Variants in TRMT61B observed in about 807,000 individuals in gnomAD.
TRMT61B encodes tRNA (adenine(58)-N(1))-methyltransferase, mitochondrial.
Under a neutral mutation model 52.0 loss-of-function variants are expected in TRMT61B, and 56 were observed. That is an observed-to-expected ratio of 1.08 (90% CI 0.87 to 1.35). The LOEUF is 1.35. TRMT61B is among the 40% of genes most tolerant of loss of function. TRMT61B has a pLI of 0.00. For synonymous variants in TRMT61B, 206 were observed against 220.0 expected (o/e 0.94, Z 0.56); for missense variants, 650 against 577.9 (o/e 1.12, Z -1.28).
At position 28,870,235 on chromosome 2, in the gene TRMT61B, G is replaced by A. The variant is rs759247356; in HGVS notation, c.43C>T (p.Arg15Trp). ...AATGAATTGGTTCCGAGCCCCTGCC[G>A]CAGGCACAGCAAGACAGGACCGCGG... Reference protein sequence around the residue: ...WCRGPVLLCLRQGLGTNSFLH... With the variant: ...WCRGPVLLCLWQGLGTNSFLH... The change falls in exon 1 of 7, where the codon CGG becomes TGG. Residue 15 changes from arginine to tryptophan, a missense_variant. Arg to Trp is a moderately radical substitution (Grantham distance 101). Transcript: ENST00000306108. The A allele has an allele frequency of 1.9e-6, 3 of 1,608,632 alleles. No individual in the cohort carries two copies. Among genetic ancestry groups the A allele is most frequent in the Non-Finnish European group, 2.5e-6 (3 of 1,178,862 alleles).
intron 3 of TRMT61B, among the ~76,000 whole-genome samples, chr2:28,858,911 TGA>T (rs1335487351): frequency 6.6e-6 from 1 of 151,814 alleles, no homozygotes; most frequent in Non-Finnish European, 1.5e-5. Flanking sequence ...CTGTTTTTTT[TGA>T]GATAGAGTCT....
intron 1 of TRMT61B, among the ~76,000 whole-genome samples, chr2:28,865,528 A>G (rs1311203448): frequency 6.6e-6 from 1 of 152,176 alleles, no homozygotes; most frequent in East Asian, 1.9e-4. Flanking sequence ...ATAAGCAACT[A>G]GGGTGTGTCA....
intron 6 of TRMT61B, 33 bp from the exon 7 acceptor site, chr2:28,850,275 A>T: frequency 6.2e-7 from 1 of 1,603,984 alleles, no homozygotes; most frequent in Non-Finnish European, 8.5e-7. Flanking sequence ...TAAAGTCATT[A>T]TATTAATTAA....
rs764639756 is a variant in TRMT61B, at chr2:28,851,065, A to G, written c.1312+7T>C. 1.9e-6 allele frequency: 3 copies of G among 1,580,920 alleles called. No homozygotes were observed. The highest frequency in any genetic ancestry group is 2.2e-5 in the East Asian group (1 of 44,536). Reference sequence around the variant, plus strand: ...TACTGCATGCATAAAGTAAAACTGAAGCTCACCATGGTCATCCTCTTGAAA... The same window carrying G: ...TACTGCATGCATAAAGTAAAACTGAGGCTCACCATGGTCATCCTCTTGAAA... On this transcript the variant is annotated splice_region_variant and intron_variant, in intron 5 of 6. Coordinates refer to ENST00000306108, the MANE Select transcript of TRMT61B (RefSeq NM_017910.4).
intron 4 of TRMT61B, among the ~76,000 whole-genome samples, chr2:28,851,525 T>G (rs891523339): frequency 6.6e-6 from 1 of 152,206 alleles, no homozygotes; most frequent in South Asian, 2.1e-4. Context: ...TTTAAAACAT[T>G]TCTTCCAGAT....
In TRMT61B at chr2:28,864,554, AG is replaced by A. The variant is rs1448173219; in HGVS notation, c.802+462del. Among the ~76,000 whole-genome samples, 15 of 152,318 alleles carry A rather than the reference AG, an allele frequency of 9.8e-5. 1 individual carries two copies. The South Asian group carries it at 1.2e-3, about 13-fold the overall frequency. On this transcript the variant is annotated intron_variant, in intron 2 of 6. Transcript: ENST00000306108. ...AAGTTCGAAGGAGGCAAAACTAATCAGTGATGATAAAAGTCACAATAGTGGT... is the reference window on the plus strand; with the variant it reads ...AAGTTCGAAGGAGGCAAAACTAATCATGATGATAAAAGTCACAATAGTGGT...
chr2:28,849,969 C>A lies in TRMT61B; in HGVS notation c.*230G>T. The stretch of plus-strand genomic sequence containing the variant: ...TGGCCCAACTAAACCAATTTGGAAT[C>A]ATTAACTACAAAATGTCAAACTAAC... On this transcript the variant is annotated 3_prime_UTR_variant, in exon 7 of 7. Coordinates refer to ENST00000306108, the MANE Select transcript of TRMT61B (RefSeq NM_017910.4). 6.7e-7 allele frequency: 1 copy of A among 1,489,346 alleles called. No homozygotes were observed. The highest frequency in any genetic ancestry group is 9.2e-7 in the Non-Finnish European group (1 of 1,085,240). 92.3% of individuals were successfully genotyped at this position (1,489,346 alleles called of 1,614,324 possible).
chr2:28,869,540 C>T, intron 1 of TRMT61B, 39 bp downstream of exon 1: 1 of 1,449,892 alleles, frequency 6.9e-7, no homozygotes, highest in Non-Finnish European at 9.6e-7. Context: ...GTCTTTGCCC[C>T]TCCTGAAACC....
At position 28,870,184 on chromosome 2, in the gene TRMT61B, A is replaced by AGG. The variant is rs1670024923; in HGVS notation, c.92_93dup (p.Phe32ProfsTer42). 10 of 1,613,290 alleles carry AGG rather than the reference A, an allele frequency of 6.2e-6. No homozygotes were observed. The South Asian group carries it at 8.8e-5, about 14-fold the overall frequency. On this transcript the variant is annotated frameshift_variant, in exon 1 of 7. Coordinates refer to ENST00000306108, the MANE Select transcript of TRMT61B (RefSeq NM_017910.4). LOFTEE classifies it high-confidence loss of function. Reference sequence around the variant, plus strand: ...CAACACAGTGACCGAGCTCCCTCGAAGGGCTCCTGCCCCAGGCCGTGCAGG... The same window carrying AGG: ...CAACACAGTGACCGAGCTCCCTCGAAGGGGGCTCCTGCCCCAGGCCGTGCAGG...
chr2:28,853,817 CAG>C (rs1250876942), intron 3 of TRMT61B, among the ~76,000 whole-genome samples: 3 of 146,238 alleles, frequency 2.1e-5, no homozygotes, highest in Admixed American at 1.4e-4. Flanking sequence ...GCCTGGGTGA[CAG>C]AGTGAGATTC....
intron 3 of TRMT61B, among the ~76,000 whole-genome samples, chr2:28,857,891 C>T (rs550517709): frequency 1.1e-3 from 168 of 152,244 alleles, no homozygotes; most frequent in African/African-American, 3.8e-3. Context: ...TACATGTAGG[C>T]GGTCATTTCA....
rs1390486728 is a variant in TRMT61B at position 28,861,080 on chromosome 2, T to C, written c.993+38A>G. The C allele has an allele frequency of 5.9e-6, 9 of 1,517,202 alleles. No homozygotes were observed. In the South Asian group the frequency reaches 1.2e-4, roughly 20 times the overall value. The allele number at this position is 1,517,202 out of a possible 1,614,324, so 94.0% of individuals were successfully genotyped here. On this transcript the variant is annotated intron_variant, in intron 3 of 6. Coordinates refer to ENST00000306108, the MANE Select transcript of TRMT61B (RefSeq NM_017910.4). The stretch of plus-strand genomic sequence containing the variant: ...AGCCTGACCCCTATCTTCTTTATAG[T>C]CAAAGTAATAACACAGGACCCACGT...
At chr2:28,859,686 G>A (rs1390996322) in intron 3 of TRMT61B, among the ~76,000 whole-genome samples, 3 of 151,950 alleles carry the variant, frequency 2.0e-5, no homozygotes, top group African/African-American at 7.3e-5. Flanking sequence ...AAAAAAGAGT[G>A]TTCTTTTTAG....
chr2:28,858,455 G>C (rs1434957979), intron 3 of TRMT61B, among the ~76,000 whole-genome samples: 1 of 151,936 alleles, frequency 6.6e-6, no homozygotes, highest in Non-Finnish European at 1.5e-5. Context: ...TAAAGGACTA[G>C]AGAAAGGAAG....
At chr2:28,863,852 C>T (rs1669714853) in intron 2 of TRMT61B, among the ~76,000 whole-genome samples, 1 of 152,060 alleles carries the variant, frequency 6.6e-6, no homozygotes, top group Non-Finnish European at 1.5e-5. Context: ...AAAATCTACT[C>T]AAAGAAAGTA....
At chr2:28,853,990 T>C (rs1041558655) in intron 3 of TRMT61B, among the ~76,000 whole-genome samples, 1 of 152,130 alleles carries the variant, frequency 6.6e-6, no homozygotes, top group Non-Finnish European at 1.5e-5. Context: ...CTGGTCAAAA[T>C]AGAAAATAAA....
At position 28,870,308 on chromosome 2, in the gene TRMT61B, G is replaced by C. The variant is rs1224757006; in HGVS notation, c.-31C>G. On this transcript the variant is annotated 5_prime_UTR_variant, in exon 1 of 7. Coordinates refer to ENST00000306108, the MANE Select transcript of TRMT61B (RefSeq NM_017910.4). ...TTCGCGAAGGCGCCGTCGCAGACGA[G>C]TGACGCAAGCCTAGCGCGACCCCTT... 2 of 1,499,376 alleles carry C rather than the reference G, an allele frequency of 1.3e-6. No homozygotes were observed. The highest frequency in any genetic ancestry group is 1.8e-6 in the Non-Finnish European group (2 of 1,124,172). 92.9% of individuals were successfully genotyped at this position (1,499,376 alleles called of 1,614,324 possible).
chr2:28,870,120 T>C lies in TRMT61B; in HGVS notation c.158A>G (p.Glu53Gly). Residue 53 changes from glutamate to glycine, a missense_variant, in exon 1 of 7, where the codon GAG (glutamate) becomes GGG (glycine). Coordinates refer to ENST00000306108, the MANE Select transcript of TRMT61B (RefSeq NM_017910.4). ...SPRDLRDGEREHEAAQRKAPG... is the reference protein window; with the variant it reads ...SPRDLRDGERGHEAAQRKAPG... ...GGCTTTCCTTTGTGCCGCCTCGTGC[T>C]CTCTTTCTCCATCTCGCAGGTCTCT... The C allele has an allele frequency of 1.2e-6, 2 of 1,614,044 alleles. No homozygotes were observed. Among genetic ancestry groups the C allele is most frequent in the Non-Finnish European group, 1.7e-6 (2 of 1,180,034 alleles).
chr2:28,855,190 C>T (rs1319270075), intron 3 of TRMT61B, among the ~76,000 whole-genome samples: 2 of 152,194 alleles, frequency 1.3e-5, no homozygotes, highest in African/African-American at 2.4e-5. Flanking sequence ...GAGATGACAT[C>T]GAAGGTGGTG....
Sources: allele counts gnomAD v4.1 joint callset (sites outside exome capture counted in the v4.1 genomes callset), GRCh38; gene constraint gnomAD v4.1.1; transcripts MANE v1.5; gene names NCBI Gene and HGNC (gene_info 2026-07-23, HGNC 2026-07-21).